Variants in TMPRSS5 observed in about 807,000 individuals in gnomAD.
TMPRSS5 encodes transmembrane protease serine 5.
TMPRSS5 carries 45 observed loss-of-function variants against 59.7 expected under a neutral mutation model. The ratio of observed to expected loss-of-function variants is 0.75; its 90% CI spans 0.59 to 0.97. The LOEUF is 0.97. Among genes scored for constraint, TMPRSS5 ranks in the 50% least tolerant of loss-of-function variants. The pLI, the probability that TMPRSS5 is intolerant of heterozygous loss-of-function variation, is 0.00. For missense variants in TMPRSS5, 585 were observed against 596.7 expected, an observed-to-expected ratio of 0.98 and a Z score of 0.20; for synonymous variants, 225 against 232.0, an observed-to-expected ratio of 0.97 and a Z score of 0.27.
chr11:113,702,837 C>T (rs1351330801), intron 1 of TMPRSS5, among the ~76,000 whole-genome samples: 1 of 152,202 alleles, frequency 6.6e-6, no homozygotes, highest in African/African-American at 2.4e-5. Flanking sequence ...GTTGAGCCTG[C>T]GGGTGCACAG....
chr11:113,701,489 C>CA (rs377297866), intron 1 of TMPRSS5, among the ~76,000 whole-genome samples: 1 of 145,554 alleles, frequency 6.9e-6, no homozygotes, highest in Admixed American at 6.8e-5. Context: ...TTTTTTTTGG[C>CA]GGGGGGGGGT....
rs991658909 is a variant in TMPRSS5, at chr11:113,696,781, C to T, written c.578+77G>A. On this transcript the variant is annotated intron_variant, in intron 6 of 12. Transcript: ENST00000299882. ...ACCAGTGTCCTCCCCACCGGCATCC[C>T]AAGAAAGGAGATTTTTGCTGGATTG... The T allele has an allele frequency of 2.0e-6, 2 of 999,012 alleles. 1 individual carries two copies. Among genetic ancestry groups the T allele is most frequent in the African/African-American group, 3.2e-5 (2 of 62,168 alleles). 61.9% of individuals were successfully genotyped at this position (999,012 alleles called of 1,614,324 possible). A position where few individuals can be genotyped will look rare whatever the true frequency, so the allele number is the denominator to read the frequency against.
At chr11:113,690,470 A>C (rs1952743346) in intron 10 of TMPRSS5, 97 bp from the exon 11 acceptor site, 2 of 1,490,002 alleles carry the variant, frequency 1.3e-6, no homozygotes, top group Admixed American at 4.9e-5. Context: ...AGAGACAGGG[A>C]GACCCAAAGA....
intron 2 of TMPRSS5, 135 bp from the exon 3 acceptor site, chr11:113,699,828 A>G: frequency 1.4e-6 from 2 of 1,386,694 alleles, no homozygotes; most frequent in Admixed American, 2.0e-5. Context: ...ATCAGCCCAG[A>G]TTAGGGAGGG....
chr11:113,690,723 G>A (rs1952752477), intron 10 of TMPRSS5, 118 bp downstream of exon 10: 2 of 987,668 alleles, frequency 2.0e-6, no homozygotes, highest in Admixed American at 2.1e-5. Flanking sequence ...CAAGGGTGAT[G>A]CCAGGGAAAA....
Position 113,699,625 on chromosome 11 carries a change from C to T in TMPRSS5, c.175G>A (p.Ala59Thr), listed in dbSNP as rs1259080771. Residue 59 changes from alanine (A) to threonine (T), a missense_variant, in exon 3 of 13, where the codon GCC becomes ACC. By Grantham distance (58) the Ala-to-Thr change is moderately conservative (BLOSUM62 0). Coordinates refer to ENST00000299882, the MANE Select transcript of TMPRSS5 (RefSeq NM_030770.4). The stretch of plus-strand genomic sequence containing the variant: ...AGCCATGAGCCAACACCTGCACCGG[C>T]CAGCAGCCCCAGGGCTCCCAGCACT... ...CAVLGALGLL[A>T]GAGVGSWLLV... 6.3e-7 allele frequency: 1 copy of T among 1,582,940 alleles called. No individual in the cohort carries two copies. The highest frequency in any genetic ancestry group is 1.2e-5 in the South Asian group (1 of 85,960).
chr11:113,698,818 T>C (rs1393657019), intron 4 of TMPRSS5, 87 bp downstream of exon 4: 3 of 1,466,590 alleles, frequency 2.0e-6, no homozygotes, highest in Non-Finnish European at 2.8e-6. Context: ...AGTGAACAGA[T>C]GGCCCTTCAG....
At chr11:113,694,986 A>G (rs1591379311) in intron 7 of TMPRSS5, among the ~76,000 whole-genome samples, 2 of 152,172 alleles carry the variant, frequency 1.3e-5, no homozygotes, top group South Asian at 4.1e-4. Flanking sequence ...CGGGAAGACC[A>G]ATGAAAGGAA....
chr11:113,699,057 G>C, intron 3 of TMPRSS5, 30 bp from the exon 4 acceptor site: 1 of 1,603,726 alleles, frequency 6.2e-7, no homozygotes, highest in Middle Eastern at 1.7e-4. Flanking sequence ...GAAAGGGTCT[G>C]ATTTCCAAAG....
At chr11:113,691,399 C>G (rs1293159553) in intron 9 of TMPRSS5, among the ~76,000 whole-genome samples, 2 of 152,214 alleles carry the variant, frequency 1.3e-5, no homozygotes, top group Admixed American at 6.5e-5. Flanking sequence ...AATTCTCTTT[C>G]AGTCCCTCTA....
chr11:113,688,328 C>A, intron 12 of TMPRSS5, 54 bp from the exon 13 acceptor site: 2 of 1,297,704 alleles, frequency 1.5e-6, no homozygotes, highest in Non-Finnish European at 2.2e-6. Context: ...ACTAGCCAAG[C>A]GACTTTTATT....
chr11:113,692,664 A>C, intron 9 of TMPRSS5, among the ~76,000 whole-genome samples: 1 of 152,170 alleles, frequency 6.6e-6, no homozygotes, highest in Admixed American at 6.5e-5. Flanking sequence ...TGTTTCAACT[A>C]TCTATCAGGG....
chr11:113,689,688 C>G (rs758164229), intron 12 of TMPRSS5, 77 bp downstream of exon 12: 74 of 1,521,698 alleles, frequency 4.9e-5, no homozygotes, highest in Non-Finnish European at 6.4e-5. Context: ...GGGCCCGGGC[C>G]TAAGGGGTAA....
At chr11:113,697,663 G>A (rs978625378) in intron 4 of TMPRSS5, among the ~76,000 whole-genome samples, 1 of 152,144 alleles carries the variant, frequency 6.6e-6, no homozygotes, top group Non-Finnish European at 1.5e-5. Flanking sequence ...ACCATTCATT[G>A]TCACAGCAGC....
chr11:113,694,693 T>A, intron 7 of TMPRSS5, 53 bp from the exon 8 acceptor site: 1 of 1,485,774 alleles, frequency 6.7e-7, no homozygotes, highest in South Asian at 1.4e-5. Flanking sequence ...AGTGTCAGCA[T>A]GGTCCTAACT....
At chr11:113,706,087 G>T (rs147496628) in intron 1 of TMPRSS5, 135 bp downstream of exon 1, 2 of 1,040,146 alleles carry the variant, frequency 1.9e-6, no homozygotes, top group East Asian at 2.6e-5. Flanking sequence ...CAGGGCCCCT[G>T]CTAGGATCCA....
Position 113,696,947 on chromosome 11 carries a change from G to T in TMPRSS5, c.489C>A (p.Asn163Lys), listed in dbSNP as rs780251013. 41 of 1,578,946 alleles carry T rather than the reference G, an allele frequency of 2.6e-5. No homozygotes were observed. In the South Asian group the frequency reaches 4.1e-4, roughly 16 times the overall value. ...AACTGTTGAGTTTGATGTCAGTGAG[G>T]TTTACTCCCTTGTGGTGAGTGAGTC... ...HLRLTHHKGVNLTDIKLNSSQ... is the reference protein window; with the variant it reads ...HLRLTHHKGVKLTDIKLNSSQ... The change falls in exon 6 of 13, where the codon AAC (asparagine) becomes AAA (lysine). Residue 163 changes from asparagine to lysine, a missense_variant. Coordinates refer to ENST00000299882, the MANE Select transcript of TMPRSS5 (RefSeq NM_030770.4).
intron 3 of TMPRSS5, among the ~76,000 whole-genome samples, 182 bp from the exon 4 acceptor site, chr11:113,699,209 CTG>C (rs200841987): frequency 0.028 from 1,348 of 47,656 alleles, 244 homozygotes; most frequent in African/African-American, 0.07. Flanking sequence ...CTTTGTCTGT[CTG>C]TCTCTCTCTC....
rs368573232 is a variant in TMPRSS5, at chr11:113,690,913, C to A, written c.991G>T (p.Ala331Ser). ...SDTVGAVCLP[A>S]KEQHFPKGSR... Reference sequence around the variant, plus strand: ...CCCTTCGGAAAATGCTGTTCCTTGGCCGGCAGGCACACAGCGCCCACAGTG... The same window carrying A: ...CCCTTCGGAAAATGCTGTTCCTTGGACGGCAGGCACACAGCGCCCACAGTG... Residue 331 changes from alanine (A) to serine (S), a missense_variant, in exon 10 of 13, where the codon GCC becomes TCC. Coordinates refer to ENST00000299882, the MANE Select transcript of TMPRSS5 (RefSeq NM_030770.4). 1.1e-5 allele frequency: 17 copies of A among 1,593,470 alleles called. No homozygotes were observed. The African/African-American group carries it at 2.3e-4, about 21-fold the overall frequency.
Sources: allele counts gnomAD v4.1 joint callset (sites outside exome capture counted in the v4.1 genomes callset), GRCh38; gene constraint gnomAD v4.1.1; transcripts MANE v1.5; gene names NCBI Gene and HGNC (gene_info 2026-07-23, HGNC 2026-07-21).